Variants in SLC4A4 observed in about 807,000 individuals in gnomAD.
SLC4A4 encodes solute carrier family 4 member 4, also known as electrogenic sodium bicarbonate cotransporter 1.
Under a neutral mutation model 111.5 loss-of-function variants are expected in SLC4A4, and 27 were observed. That is an observed-to-expected ratio of 0.24 (90% CI 0.18 to 0.33). SLC4A4 has a LOEUF of 0.33. SLC4A4 is among the 10% of genes least tolerant of loss of function. The pLI, the probability that SLC4A4 is intolerant of heterozygous loss-of-function variation, is 1.00. For synonymous variants in SLC4A4, 443 were observed against 463.4 expected, an observed-to-expected ratio of 0.96 and a Z score of 0.57; for missense variants, 909 against 1,315.5, an observed-to-expected ratio of 0.69 and a Z score of 4.78.
At position 71,316,895 on chromosome 4, in the gene SLC4A4, AT is replaced by A. The variant is rs1330789149; in HGVS notation, c.254-22468del. ...CAAAGGACATGATCTCATTCTATGA[AT>A]TTTTTTAAAGAGATAGAATCTTGCT... On this transcript the variant is annotated intron_variant, in intron 3 of 25. Coordinates refer to ENST00000264485, the MANE Select transcript of SLC4A4 (RefSeq NM_001098484.3). Among the ~76,000 whole-genome samples the A allele has an allele frequency of 9.9e-5, 15 of 152,058 alleles. No homozygotes were observed. The East Asian group carries it at 1.5e-3, about 16-fold the overall frequency.
At chr4:71,162,376 T>C (rs1744637778) in intron 2 of SLC4A4, among the ~76,000 whole-genome samples, 1 of 152,206 alleles carries the variant, frequency 6.6e-6, no homozygotes, top group Non-Finnish European at 1.5e-5. Flanking sequence ...CAAAGTGTAA[T>C]ATTCATAGGC....
chr4:71,094,427 A>C (rs960892064), intron 2 of SLC4A4, among the ~76,000 whole-genome samples: 1 of 143,148 alleles, frequency 7.0e-6, no homozygotes, highest in Non-Finnish European at 1.6e-5. Flanking sequence ...ATTACATTAT[A>C]AATAGGCCTC....
intron 6 of SLC4A4, among the ~76,000 whole-genome samples, chr4:71,391,268 A>G (rs1256071586): frequency 6.6e-6 from 1 of 152,100 alleles, no homozygotes; most frequent in African/African-American, 2.4e-5. Context: ...TAAGAATAAA[A>G]AAAGATTCAA....
chr4:71,232,137 C>T (rs183273972), intron 1 of SLC4A4, among the ~76,000 whole-genome samples: 1 of 152,246 alleles, frequency 6.6e-6, no homozygotes, highest in East Asian at 1.9e-4. Flanking sequence ...TTGCTTCCTA[C>T]AGGGAAGAGG....
intron 18 of SLC4A4, among the ~76,000 whole-genome samples, chr4:71,537,366 ATG>A (rs1193430208): frequency 2.8e-5 from 4 of 145,370 alleles, no homozygotes; most frequent in African/African-American, 1.0e-4. Flanking sequence ...ATATATACAT[ATG>A]TGTGTATATA....
At chr4:71,065,624 G>C (rs1163444771) in intron 1 of SLC4A4, among the ~76,000 whole-genome samples, 1 of 152,100 alleles carries the variant, frequency 6.6e-6, no homozygotes, top group Non-Finnish European at 1.5e-5. Flanking sequence ...CGTGTTGCTG[G>C]ATATTTTGAG....
In SLC4A4 at chr4:71,252,928, A is replaced by T. The variant is rs6857939; in HGVS notation, c.74-2292A>T. Among the ~76,000 whole-genome samples the T allele has an allele frequency of 1.8e-3, 267 of 152,288 alleles. 1 individual carries two copies. The highest frequency in any genetic ancestry group is 6.2e-3 in the African/African-American group (258 of 41,552). On this transcript the variant is annotated intron_variant, in intron 2 of 25. Transcript: ENST00000264485. ...ACACCCCAGTAAAGGTGATTTTAAA[A>T]TGCCTAAAATTTGGCATGTCTTGAG...
At chr4:71,171,167 T>TG (rs1421249279) in intron 2 of SLC4A4, among the ~76,000 whole-genome samples, 101 of 152,152 alleles carry the variant, frequency 6.6e-4, no homozygotes, top group African/African-American at 2.4e-3. Context: ...TTGTTTTTTT[T>TG]TTTTTTTTTA....
At position 71,450,236 on chromosome 4, in the gene SLC4A4, C is replaced by G. The variant is rs536907127; in HGVS notation, c.1054-153C>G. Among the ~76,000 whole-genome samples, 7 of 152,192 alleles carry G rather than the reference C, an allele frequency of 4.6e-5. No individual in the cohort carries two copies. The South Asian group carries it at 1.5e-3, about 32-fold the overall frequency. ...ATCATAATCTGAATGCCTATATTTT[C>G]GGGGGGCAGGCTGAATAATAGGGAC... On this transcript the variant is annotated intron_variant, in intron 9 of 25. Transcript: ENST00000264485.
Position 71,453,624 on chromosome 4 carries a change from T to A in SLC4A4, c.1452T>A (p.Ala484=). ...LFIYLATVTN[A]ITFGGLLGDA... ...TTTATCTGGCAACTGTAACTAATGC[T>A]ATCACTTTTGGAGGACTGCTTGGGG... is the stretch of plus-strand genomic sequence containing the variant. Residue 484 remains alanine, a synonymous_variant, in exon 12 of 26, where the codon GCT becomes GCA. Coordinates refer to ENST00000264485, the MANE Select transcript of SLC4A4 (RefSeq NM_001098484.3). 1 of 1,613,974 alleles carries A rather than the reference T, an allele frequency of 6.2e-7. No individual in the cohort carries two copies. Among genetic ancestry groups the A allele is most frequent in the South Asian group, 1.1e-5 (1 of 91,082 alleles).
At chr4:71,525,618 G>C (rs1006412963) in intron 16 of SLC4A4, among the ~76,000 whole-genome samples, 2 of 152,042 alleles carry the variant, frequency 1.3e-5, no homozygotes, top group African/African-American at 4.8e-5. Flanking sequence ...GATTTGGATG[G>C]ACAACCACAA....
At chr4:71,339,119 A>G in intron 3 of SLC4A4, 1 of 1,607,708 alleles carries the variant, frequency 6.2e-7, no homozygotes. Flanking sequence ...GACACATCAC[A>G]CAGAATTGGA....
intron 7 of SLC4A4, among the ~76,000 whole-genome samples, chr4:71,405,951 A>ACGTGGCCACCTGTCTGTTTCTT: frequency 6.6e-6 from 1 of 151,948 alleles, no homozygotes; most frequent in East Asian, 1.9e-4. Flanking sequence ...GTGGCCATAT[A>ACGTGGCCACCTGTCTGTTTCTT]CTTGCTTTGA....
In SLC4A4 at chr4:71,534,113, T is replaced by G. The variant is rs896748652; in HGVS notation, c.2281-114T>G. On this transcript the variant is annotated intron_variant, in intron 17 of 25. Transcript: ENST00000264485. The stretch of plus-strand genomic sequence containing the variant: ...TTCTCTAGCTCATAACTGTTTATAT[T>G]TCTCAATATGTTGGTTATCCAAATA... The G allele has an allele frequency of 1.5e-4, 126 of 845,792 alleles. 1 individual carries two copies. The highest frequency in any genetic ancestry group is 3.6e-5 in the Non-Finnish European group (18 of 501,290). The allele number at this position is 845,792 out of a possible 1,614,324, so 52.4% of individuals were successfully genotyped here.
intron 13 of SLC4A4, among the ~76,000 whole-genome samples, chr4:71,470,469 T>G (rs1204449213): frequency 6.6e-6 from 1 of 152,042 alleles, no homozygotes; most frequent in Non-Finnish European, 1.5e-5. Flanking sequence ...TGCTACAATT[T>G]TTAAAAGGAA....
At chr4:71,462,460 G>A (rs1726929747) in intron 12 of SLC4A4, among the ~76,000 whole-genome samples, 1 of 147,590 alleles carries the variant, frequency 6.8e-6, no homozygotes, top group South Asian at 2.2e-4. Flanking sequence ...CTAGGCTGGA[G>A]TGGAGTGGCG....
chr4:71,294,427 T>C (rs1724615857), intron 3 of SLC4A4, among the ~76,000 whole-genome samples: 2 of 152,188 alleles, frequency 1.3e-5, no homozygotes, highest in African/African-American at 2.4e-5. Flanking sequence ...TTAAAATTGG[T>C]TGGAACCTGG....
At chr4:71,161,211 C>A (rs1467403924) in intron 2 of SLC4A4, among the ~76,000 whole-genome samples, 1 of 152,190 alleles carries the variant, frequency 6.6e-6, no homozygotes, top group Non-Finnish European at 1.5e-5. Flanking sequence ...AGGCTTCTCA[C>A]TGTGCATTAA....
At chr4:71,187,239 G>GC (rs1745500289), upstream of SLC4A4, 1 of 151,904 alleles carries the variant, frequency 6.6e-6, no homozygotes, top group Non-Finnish European at 1.5e-5. Context: ...GGATTCCGCG[G>GC]CCCCCCAGCC....
Sources: gnomAD v4.1 joint callset for allele counts (sites outside exome capture counted in the v4.1 genomes callset) on GRCh38, gnomAD v4.1.1 for gene constraint, MANE v1.5 for transcripts, NCBI Gene and HGNC (gene_info 2026-07-23, HGNC 2026-07-21) for gene names.